The following DIAPH2 variants were observed in gnomAD, a reference collection of about 807,000 sequenced individuals.
DIAPH2 encodes the protein protein diaphanous homolog 2.
Under a neutral mutation model 92.7 loss-of-function variants are expected in DIAPH2, and 35 were observed. That is an observed-to-expected ratio of 0.38 (90% confidence interval 0.29 to 0.50). DIAPH2 has a LOEUF of 0.50. DIAPH2 is among the 20% of genes least tolerant of loss of function. The pLI, the probability that DIAPH2 is intolerant of heterozygous loss-of-function variation, is 0.94. For missense variants in DIAPH2, 701 were observed against 819.5 expected, an observed-to-expected ratio of 0.86 and a Z score of 1.77; for synonymous variants, 301 against 280.4, an observed-to-expected ratio of 1.07 and a Z score of -0.73.
intron 24 of DIAPH2, among the ~76,000 whole-genome samples, chrX:97,369,584 T>TTA (rs746043167): frequency 0.15 from 16,072 of 107,623 alleles, 1,312 homozygotes; most frequent in Admixed American, 0.29. Context: ...TTTTGATGTT[T>TTA]TATATATATA....
chrX:96,886,223 C>G (rs1276256824), intron 5 of DIAPH2, among the ~76,000 whole-genome samples: 2 of 109,734 alleles, frequency 1.8e-5, no homozygotes, highest in African/African-American at 6.6e-5. Flanking sequence ...CCTCAGTTAC[C>G]TATACACTAA....
chrX:97,042,320 G>A (rs1283119250), intron 17 of DIAPH2, among the ~76,000 whole-genome samples: 6 of 111,425 alleles, frequency 5.4e-5, no homozygotes, highest in African/African-American at 1.9e-4. Flanking sequence ...ATTAAATGTA[G>A]AACTATAATC....
intron 23 of DIAPH2, among the ~76,000 whole-genome samples, chrX:97,294,174 C>T (rs1431050428): frequency 2.7e-5 from 3 of 111,748 alleles, no homozygotes; most frequent in Admixed American, 9.6e-5. Context: ...CCCTGGACTT[C>T]GCCTCTTAAG....
intron 26 of DIAPH2, among the ~76,000 whole-genome samples, chrX:97,575,022 C>CT (rs1438318091): frequency 8.9e-6 from 1 of 112,322 alleles, no homozygotes; most frequent in African/African-American, 3.2e-5. Context: ...ATTGACTGAA[C>CT]TTATTGAGCA....
intron 21 of DIAPH2, among the ~76,000 whole-genome samples, chrX:97,121,066 C>G (rs915591509): frequency 8.9e-6 from 1 of 112,047 alleles, no homozygotes; most frequent in Non-Finnish European, 1.9e-5. Context: ...CTAATCATTT[C>G]TAGCTAAAAT....
chrX:97,273,440 ATACAT>A (rs970984207), intron 23 of DIAPH2, among the ~76,000 whole-genome samples: 1 of 111,966 alleles, frequency 8.9e-6, no homozygotes, highest in African/African-American at 3.2e-5. Flanking sequence ...GGCATGATAA[ATACAT>A]TGTGTTTTCT....
At chrX:96,864,343 A>G (rs1304832978) in intron 4 of DIAPH2, among the ~76,000 whole-genome samples, 3 of 106,897 alleles carry the variant, frequency 2.8e-5, no homozygotes, top group Non-Finnish European at 1.9e-5. Context: ...GTTATGCCAA[A>G]TCTGCTCATT....
chrX:97,051,100 C>T (rs781362156), intron 17 of DIAPH2, among the ~76,000 whole-genome samples: 29 of 111,868 alleles, frequency 2.6e-4, no homozygotes, highest in Middle Eastern at 4.6e-3. Flanking sequence ...CAGCAAATCA[C>T]ATTTTATCCC....
At chrX:96,685,887 C>T (rs147015940) in intron 1 of DIAPH2, among the ~76,000 whole-genome samples, 1,476 of 111,909 alleles carry the variant, frequency 0.013, 26 homozygotes, top group African/African-American at 0.046. Context: ...CGCTCAAAAG[C>T]AGTAGGCACA....
At chrX:97,411,362 G>T (rs977418147) in intron 25 of DIAPH2, among the ~76,000 whole-genome samples, 5 of 111,824 alleles carry the variant, frequency 4.5e-5, no homozygotes, top group African/African-American at 1.6e-4. Context: ...CTGAGAGATT[G>T]TGTCACCACC....
At chrX:97,065,662 T>G in intron 17 of DIAPH2, among the ~76,000 whole-genome samples, 1 of 110,605 alleles carries the variant, frequency 9.0e-6, no homozygotes. Flanking sequence ...TTTTAGAGTG[T>G]ACTCTTGTTA....
At chrX:97,284,763 TAGAG>T (rs199752398) in intron 23 of DIAPH2, among the ~76,000 whole-genome samples, 6 of 109,658 alleles carry the variant, frequency 5.5e-5, no homozygotes, top group Non-Finnish European at 1.1e-4. Context: ...TATTTGGAGT[TAGAG>T]AGAGAGAGAG....
intron 3 of DIAPH2, among the ~76,000 whole-genome samples, chrX:96,753,099 C>T (rs767340448): frequency 8.9e-6 from 1 of 111,776 alleles, no homozygotes; most frequent in Non-Finnish European, 1.9e-5. Context: ...CCAAAGGTGA[C>T]GCCACCACAC....
chrX:96,803,383 T>C (rs1263834676), intron 4 of DIAPH2, among the ~76,000 whole-genome samples: 1 of 111,940 alleles, frequency 8.9e-6, no homozygotes, highest in African/African-American at 3.2e-5. Flanking sequence ...GTTTGCCTGC[T>C]CAGAAAAATT....
intron 16 of DIAPH2, among the ~76,000 whole-genome samples, chrX:96,960,247 C>G (rs1173129051): frequency 9.0e-6 from 1 of 111,267 alleles, no homozygotes; most frequent in Non-Finnish European, 1.9e-5. Context: ...TGAGCATTGT[C>G]TCTTTCCATT....
At chrX:97,468,812 C>A (rs2070537267) in intron 26 of DIAPH2, among the ~76,000 whole-genome samples, 1 of 111,203 alleles carries the variant, frequency 9.0e-6, no homozygotes, top group South Asian at 3.8e-4. Flanking sequence ...TAAATCAAAA[C>A]ACAGGTAACT....
intron 17 of DIAPH2, among the ~76,000 whole-genome samples, chrX:97,035,626 GC>G (rs1257281022): frequency 8.9e-6 from 1 of 111,822 alleles, no homozygotes; most frequent in African/African-American, 3.3e-5. Context: ...TATACCTCTA[GC>G]CAGATAGTTG....
chrX:97,281,765 G>A (rs1217285398), intron 23 of DIAPH2, among the ~76,000 whole-genome samples: 3 of 109,142 alleles, frequency 2.7e-5, no homozygotes, highest in South Asian at 3.9e-4. Context: ...AAACACATAC[G>A]CAAAAGGTTA....
chrX:97,349,536 G>A (rs140297414), intron 24 of DIAPH2, among the ~76,000 whole-genome samples: 139 of 111,399 alleles, frequency 1.2e-3, no homozygotes, highest in African/African-American at 4.5e-3. Context: ...GACTTCATCT[G>A]TGAGATATGA....
Sources: gnomAD v4.1 joint callset for allele counts (sites outside exome capture counted in the v4.1 genomes callset) on GRCh38, gnomAD v4.1.1 for gene constraint, MANE v1.5 for transcripts, NCBI Gene and HGNC (gene_info 2026-07-23, HGNC 2026-07-21) for gene names.